Variants in PRKAR2A observed in about 807,000 individuals in gnomAD.
PRKAR2A encodes the protein cAMP-dependent protein kinase type II-alpha regulatory subunit.
Under a neutral mutation model 51.9 loss-of-function variants are expected in PRKAR2A, and 29 were observed. That is an observed-to-expected ratio of 0.56 (90% CI 0.42 to 0.76). The LOEUF is 0.76. PRKAR2A is among the 30% of genes least tolerant of loss of function. PRKAR2A has a pLI of 0.00. For missense variants in PRKAR2A, 445 were observed against 512.1 expected, an observed-to-expected ratio of 0.87 and a Z score of 1.26; for synonymous variants, 178 against 186.2, an observed-to-expected ratio of 0.96 and a Z score of 0.36.
intron 3 of PRKAR2A, 61 bp downstream of exon 3, chr3:48,793,936 G>A (rs2082435457): frequency 3.1e-6 from 4 of 1,289,080 alleles, no homozygotes; most frequent in African/African-American, 1.5e-5. Flanking sequence ...TTGGTATGTA[G>A]AGAAGGGGAG....
At chr3:48,836,514 G>A (rs1419968074) in intron 1 of PRKAR2A, among the ~76,000 whole-genome samples, 6 of 144,058 alleles carry the variant, frequency 4.2e-5, no homozygotes, top group African/African-American at 1.3e-4. Context: ...AGACTTAAAT[G>A]CAAAAGATAA....
At chr3:48,771,540 T>C (rs1000705059) in intron 6 of PRKAR2A, among the ~76,000 whole-genome samples, 1 of 152,242 alleles carries the variant, frequency 6.6e-6, no homozygotes, top group African/African-American at 2.4e-5. Context: ...CTTTCAATTG[T>C]AGTTAGAGAA....
intron 9 of PRKAR2A, among the ~76,000 whole-genome samples, chr3:48,755,871 G>A (rs1209316144): frequency 1.3e-5 from 2 of 150,138 alleles, no homozygotes; most frequent in East Asian, 2.0e-4. Flanking sequence ...CTCTGCCTCC[G>A]GTGTTCATGC....
At chr3:48,776,748 G>A (rs2082111821) in intron 5 of PRKAR2A, among the ~76,000 whole-genome samples, 1 of 152,120 alleles carries the variant, frequency 6.6e-6, no homozygotes, top group Non-Finnish European at 1.5e-5. Context: ...GGCTGAGGCA[G>A]GAGAATCACT....
intron 6 of PRKAR2A, among the ~76,000 whole-genome samples, chr3:48,766,071 A>G (rs1032583464): frequency 3.3e-5 from 5 of 152,032 alleles, no homozygotes; most frequent in African/African-American, 1.2e-4. Context: ...AAAATACACA[A>G]AAAAAGTTAG....
intron 5 of PRKAR2A, among the ~76,000 whole-genome samples, chr3:48,775,505 A>T (rs948365206): frequency 3.7e-5 from 5 of 136,464 alleles, no homozygotes; most frequent in Non-Finnish European, 7.9e-5. Context: ...AATAATGGCT[A>T]AAAAAAAAAA....
chr3:48,796,562 T>C (rs1416174118), intron 2 of PRKAR2A, among the ~76,000 whole-genome samples: 1 of 152,120 alleles, frequency 6.6e-6, no homozygotes, highest in Non-Finnish European at 1.5e-5. Context: ...TGGTGTAATC[T>C]TGGCTCACTG....
Position 48,751,568 on chromosome 3 carries a change from TCTGGGGTGTGGCACACCTA to T in PRKAR2A, c.1213_*16del. ...GGTTTTGGTGTCACACTAAGAAGGCTCTGGGGTGTGGCACACCTACTGCCCGAGGTTGCCCAGATCCACG... is the reference window on the plus strand; with the variant it reads ...GGTTTTGGTGTCACACTAAGAAGGCTCTGCCCGAGGTTGCCCAGATCCACG... On this transcript the variant is annotated stop_lost and 3_prime_UTR_variant, in exon 11 of 11. Coordinates refer to ENST00000265563, the MANE Select transcript of PRKAR2A (RefSeq NM_004157.4). The T allele has an allele frequency of 6.2e-7, 1 of 1,609,212 alleles. No individual in the cohort carries two copies. The highest frequency in any genetic ancestry group is 2.2e-5 in the East Asian group (1 of 44,760).
chr3:48,780,131 C>T (rs1254823366), intron 5 of PRKAR2A, among the ~76,000 whole-genome samples: 1 of 151,454 alleles, frequency 6.6e-6, no homozygotes, highest in African/African-American at 2.4e-5. Context: ...TGCACTCCAG[C>T]CTTGCGACAG....
At chr3:48,817,332 TAA>T in intron 1 of PRKAR2A, among the ~76,000 whole-genome samples, 1 of 15,878 alleles carries the variant, frequency 6.3e-5, no homozygotes, top group South Asian at 8.9e-3. Context: ...TCTCAATAAA[TAA>T]ATAAATAAAT....
rs917878432 is a variant in PRKAR2A at position 48,804,459 on chromosome 3, CA to C, written c.298+3189del. ...ATGGGTACAGAGTGAGATCCTGTTT[CA>C]AAAAAAAAAATTAAAAATTTAAAAA... is the stretch of plus-strand genomic sequence containing the variant. On this transcript the variant is annotated intron_variant, in intron 2 of 10. Coordinates refer to ENST00000265563, the MANE Select transcript of PRKAR2A (RefSeq NM_004157.4). Among the ~76,000 whole-genome samples the C allele has an allele frequency of 2.0e-4, 29 of 142,816 alleles. No individual in the cohort carries two copies. In the East Asian group the frequency reaches 2.6e-3, roughly 13 times the overall value. The allele number at this position is 142,816 out of a possible 152,430, so 93.7% of individuals were successfully genotyped here. A position where few individuals can be genotyped will look rare whatever the true frequency, so the allele number is the denominator to read the frequency against.
chr3:48,759,761 C>G (rs768614985), intron 8 of PRKAR2A, among the ~76,000 whole-genome samples: 1 of 152,148 alleles, frequency 6.6e-6, no homozygotes, highest in African/African-American at 2.4e-5. Context: ...ATTCTACATT[C>G]AACAGTAAAG....
chr3:48,847,384 G>C lies in PRKAR2A; in HGVS notation c.213C>G (p.Val71=). ...HPPPEPGPDR[V]ADAKGDSESE... ...ACTCGCTGTCCCCTTTGGCGTCGGC[G>C]ACACGGTCCGGGCCGGGTTCTGGCG... The change falls in exon 1 of 11, where the codon GTC becomes GTG. Residue 71 remains valine, a synonymous_variant. Coordinates refer to ENST00000265563, the MANE Select transcript of PRKAR2A (RefSeq NM_004157.4). The surrounding 1 kb of genome is among the most constrained non-coding windows in gnomAD (Gnocchi z 4.4). 6.2e-7 allele frequency: 1 copy of C among 1,612,606 alleles called. No individual in the cohort carries two copies.
At chr3:48,822,719 ATGT>A (rs1243874135) in intron 1 of PRKAR2A, among the ~76,000 whole-genome samples, 1 of 149,220 alleles carries the variant, frequency 6.7e-6, no homozygotes, top group African/African-American at 2.5e-5. Context: ...ATGCCCCAGG[ATGT>A]TGTTTTTTTT....
intron 1 of PRKAR2A, among the ~76,000 whole-genome samples, chr3:48,811,293 C>A (rs1303551628): frequency 6.6e-6 from 1 of 152,048 alleles, no homozygotes; most frequent in African/African-American, 2.4e-5. Flanking sequence ...ATAATAAGAC[C>A]TCGTCTCTAC....
chr3:48,847,384 GAC>G lies in PRKAR2A; in HGVS notation c.211_212del (p.Val71ArgfsTer21). 1 of 1,612,606 alleles carries G rather than the reference GAC, an allele frequency of 6.2e-7. No individual in the cohort carries two copies. The highest frequency in any genetic ancestry group is 8.5e-7 in the Non-Finnish European group (1 of 1,179,396). On this transcript the variant is annotated frameshift_variant, in exon 1 of 11. Transcript: ENST00000265563. LOFTEE classifies it high-confidence loss of function. This position sits in a 1 kb window ranked among gnomAD's most constrained non-coding sequence, Gnocchi z 4.4. Reference sequence around the variant, plus strand: ...ACTCGCTGTCCCCTTTGGCGTCGGCGACACGGTCCGGGCCGGGTTCTGGCGGG... The same window carrying G: ...ACTCGCTGTCCCCTTTGGCGTCGGCGACGGTCCGGGCCGGGTTCTGGCGGG... The part of the protein sequence containing the change: ...HPPPEPGPDR[V>X]ADAKGDSESE...
rs373590113 is a variant in PRKAR2A at position 48,847,330 on chromosome 3, C to A, written c.262+5G>T. The A allele has an allele frequency of 1.2e-6, 2 of 1,613,448 alleles. No individual in the cohort carries two copies. Among genetic ancestry groups the A allele is most frequent in the Admixed American group, 1.7e-5 (1 of 59,998 alleles). ...CCACTCCCCAGGGCCCCGCCCACAG[C>A]CTACCTTCCAAGTCCTCGTCCTCCT... is the stretch of plus-strand genomic sequence containing the variant. On this transcript the variant is annotated splice_donor_5th_base_variant and intron_variant, in intron 1 of 10. Coordinates refer to ENST00000265563, the MANE Select transcript of PRKAR2A (RefSeq NM_004157.4). This position sits in a 1 kb window ranked among gnomAD's most constrained non-coding sequence, Gnocchi z 4.4.
chr3:48,824,593 GAAA>G (rs2083028528), intron 1 of PRKAR2A, among the ~76,000 whole-genome samples: 1 of 129,588 alleles, frequency 7.7e-6, no homozygotes, highest in Non-Finnish European at 1.6e-5. Context: ...AAGAAAGAAA[GAAA>G]GAAAGAAAGA....
intron 2 of PRKAR2A, among the ~76,000 whole-genome samples, chr3:48,802,884 A>G (rs866185817): frequency 6.6e-6 from 1 of 152,342 alleles, no homozygotes; most frequent in South Asian, 2.1e-4. Flanking sequence ...AAGATCAAAG[A>G]TTATGCAGGA....
Sources: gnomAD v4.1 joint callset for allele counts (sites outside exome capture counted in the v4.1 genomes callset) on GRCh38, gnomAD v4.1.1 for gene constraint, Gnocchi (gnomAD v3.1) non-coding constraint, MANE v1.5 for transcripts, NCBI Gene and HGNC (gene_info 2026-07-23, HGNC 2026-07-21) for gene names.